TANGO6: variants seen among roughly 807,000 people sequenced by gnomAD.
TANGO6 encodes transport and golgi organization 6 homolog.
Under a neutral mutation model 114.2 loss-of-function variants are expected in TANGO6, and 90 were observed. That is an observed-to-expected ratio of 0.79 (90% CI 0.66 to 0.94). The LOEUF (loss-of-function observed/expected upper bound fraction) is 0.94, where lower values mean the gene tolerates loss of function less well. Ranked by LOEUF, TANGO6 falls within the 40% of genes least tolerant of loss-of-function variation. The pLI is 0.00. For synonymous variants in TANGO6, 477 were observed against 509.8 expected, an observed-to-expected ratio of 0.94 and a Z score of 0.87; for missense variants, 1,274 against 1,315.3, an observed-to-expected ratio of 0.97 and a Z score of 0.49.
chr16:68,857,082 C>T (rs1962007547), intron 1 of TANGO6, among the ~76,000 whole-genome samples: 2 of 152,230 alleles, frequency 1.3e-5, no homozygotes. Context: ...GCACTCCAGC[C>T]TGGGCGACAG....
intron 14 of TANGO6, among the ~76,000 whole-genome samples, chr16:68,967,598 A>G (rs1963658723): frequency 1.3e-5 from 2 of 152,204 alleles, no homozygotes; most frequent in Admixed American, 6.5e-5. Context: ...TTTCCTATGT[A>G]GAGATTTGCC....
rs893690663 is a variant in TANGO6, at chr16:68,889,116, G to A, written c.1377+8486G>A. On this transcript the variant is annotated intron_variant, in intron 7 of 17. Coordinates refer to ENST00000261778, the MANE Select transcript of TANGO6 (RefSeq NM_024562.2). ...TGGGATTACAGGCGTGAGCCACCACGCCCACCAATAGACTTTATTTTTTAA... is the reference window on the plus strand; with the variant it reads ...TGGGATTACAGGCGTGAGCCACCACACCCACCAATAGACTTTATTTTTTAA... 5.3e-5 allele frequency among the ~76,000 whole-genome samples: 8 copies of A among 152,292 alleles called. No homozygotes were observed. The South Asian group carries it at 1.0e-3, about 20-fold the overall frequency.
chr16:69,022,075 C>T (rs1378966194), intron 15 of TANGO6, among the ~76,000 whole-genome samples: 3 of 151,628 alleles, frequency 2.0e-5, no homozygotes, highest in South Asian at 2.1e-4. Flanking sequence ...TTAGTAGAGA[C>T]GGGGGTTTCA....
intron 2 of TANGO6, among the ~76,000 whole-genome samples, chr16:68,861,108 A>G (rs147619913): frequency 6.6e-5 from 10 of 152,310 alleles, no homozygotes; most frequent in Non-Finnish European, 1.2e-4. Flanking sequence ...GAGATCATAG[A>G]CACATAAGAC....
intron 1 of TANGO6, among the ~76,000 whole-genome samples, chr16:68,847,304 AAATGGTTTTG>A (rs1961826363): frequency 1.3e-5 from 2 of 152,166 alleles, no homozygotes; most frequent in Admixed American, 6.5e-5. Context: ...TATTATTATG[AAATGGTTTTG>A]ACCTTGCAGA....
chr16:68,913,780 G>T (rs1962961552), intron 11 of TANGO6, among the ~76,000 whole-genome samples: 1 of 152,038 alleles, frequency 6.6e-6, no homozygotes, highest in Non-Finnish European at 1.5e-5. Context: ...ACCCTGGATG[G>T]ACAGGAAGCA....
chr16:69,021,179 G>A (rs1200181628), intron 15 of TANGO6, among the ~76,000 whole-genome samples: 1 of 152,042 alleles, frequency 6.6e-6, no homozygotes, highest in East Asian at 1.9e-4. Context: ...TGTCCTGCAA[G>A]GCCCTTCATG....
intron 16 of TANGO6, among the ~76,000 whole-genome samples, chr16:69,024,731 A>G (rs1228723540): frequency 6.6e-6 from 1 of 152,232 alleles, no homozygotes; most frequent in Non-Finnish European, 1.5e-5. Context: ...CTACCAATGT[A>G]CATGACCATC....
rs746590146 is a variant in TANGO6 at position 68,860,464 on chromosome 16, A to C, written c.675A>C (p.Ala225=). ...GCCACCACTTTGGGGATATCGCAGC[A>C]GGTCTGTGCCAACTGGGATTCTGCC... ...IFCHHFGDIA[A]GLCQLGFCPT... The change falls in exon 2 of 18, where the codon GCA becomes GCC. Residue 225 remains alanine (A), a synonymous_variant. Coordinates refer to ENST00000261778, the MANE Select transcript of TANGO6 (RefSeq NM_024562.2). 6.2e-7 allele frequency: 1 copy of C among 1,613,922 alleles called. No homozygotes were observed. Among genetic ancestry groups the C allele is most frequent in the African/African-American group, 1.3e-5 (1 of 74,948 alleles).
At chr16:68,890,318 C>T (rs1411296077) in intron 7 of TANGO6, among the ~76,000 whole-genome samples, 2 of 152,164 alleles carry the variant, frequency 1.3e-5, no homozygotes, top group Admixed American at 1.3e-4. Flanking sequence ...ATATATTTCA[C>T]AAAATCTTTT....
chr16:69,037,135 CAAAAAAAAAAA>C (rs1232986110), intron 16 of TANGO6, among the ~76,000 whole-genome samples: 1 of 45,270 alleles, frequency 2.2e-5, no homozygotes, highest in African/African-American at 9.0e-5. Context: ...GAGTCCATCT[CAAAAAAAAAAA>C]AAAAAAAAAA....
intron 16 of TANGO6, among the ~76,000 whole-genome samples, chr16:69,039,635 C>CAAACA (rs143723155): frequency 0.16 from 24,905 of 151,722 alleles, 2,122 homozygotes; most frequent in Non-Finnish European, 0.19. Context: ...GACCCTGTCT[C>CAAACA]AAACAAAACA....
intron 14 of TANGO6, among the ~76,000 whole-genome samples, chr16:68,940,088 C>G (rs1963336520): frequency 6.7e-6 from 1 of 149,612 alleles, no homozygotes; most frequent in African/African-American, 2.5e-5. Flanking sequence ...CTTTCTCTCT[C>G]TCTCTCCTTC....
At chr16:68,863,485 C>T (rs917240191) in intron 3 of TANGO6, among the ~76,000 whole-genome samples, 4 of 152,120 alleles carry the variant, frequency 2.6e-5, no homozygotes, top group African/African-American at 9.7e-5. Flanking sequence ...TGGTGCATGC[C>T]TGCAATCCCA....
At chr16:69,017,184 C>G (rs1459960072) in intron 15 of TANGO6, among the ~76,000 whole-genome samples, 1 of 152,012 alleles carries the variant, frequency 6.6e-6, no homozygotes, top group Admixed American at 6.6e-5. Context: ...TCATAAAAGT[C>G]CCTCTCTGTC....
At chr16:69,079,261 C>T (rs9674296) in intron 17 of TANGO6, among the ~76,000 whole-genome samples, 15,418 of 151,604 alleles carry the variant, frequency 0.1, 845 homozygotes, top group African/African-American at 0.13. Context: ...ACCCGGGAGG[C>T]GGAGGTTGCA....
intron 17 of TANGO6, among the ~76,000 whole-genome samples, chr16:69,050,511 A>G (rs1358456907): frequency 6.8e-6 from 1 of 147,948 alleles, no homozygotes; most frequent in Non-Finnish European, 1.5e-5. Flanking sequence ...TTTTTTTGAG[A>G]CGGAGTCTTG....
chr16:68,956,410 A>T (rs1318674794), intron 14 of TANGO6, among the ~76,000 whole-genome samples: 2 of 152,156 alleles, frequency 1.3e-5, no homozygotes, highest in Non-Finnish European at 2.9e-5. Flanking sequence ...TTGAAGTAGG[A>T]GTCTAACAGA....
chr16:69,044,674 C>T (rs1303598066), intron 17 of TANGO6, among the ~76,000 whole-genome samples: 1 of 152,034 alleles, frequency 6.6e-6, no homozygotes, highest in Non-Finnish European at 1.5e-5. Flanking sequence ...TTCTCTCTGC[C>T]TACTTTTTAG....
Sources: gnomAD v4.1 joint callset for allele counts (sites outside exome capture counted in the v4.1 genomes callset) on GRCh38, gnomAD v4.1.1 for gene constraint, MANE v1.5 for transcripts, NCBI Gene and HGNC (gene_info 2026-07-23, HGNC 2026-07-21) for gene names.